Variants in STXBP5L observed in about 807,000 individuals in gnomAD.
The protein encoded by STXBP5L is syntaxin binding protein 5L.
In STXBP5L, 65 loss-of-function variants were observed where a neutral mutation model predicts 144.5. The observed-to-expected ratio is 0.45, with a 90% confidence interval of 0.37 to 0.55. The LOEUF is 0.55. Among genes scored for constraint, STXBP5L ranks in the 20% least tolerant of loss-of-function variants. The probability of loss-of-function intolerance (pLI) is 0.00; values close to 1 mark genes in which losing one functional copy is unlikely to be tolerated. For synonymous variants in STXBP5L, 505 were observed against 469.6 expected (o/e 1.08, Z -0.97); for missense variants, 1,298 against 1,405.5 (o/e 0.92, Z 1.22).
chr3:121,109,297 T>C (rs2043869784), intron 5 of STXBP5L, among the ~76,000 whole-genome samples: 1 of 152,102 alleles, frequency 6.6e-6, no homozygotes, highest in Non-Finnish European at 1.5e-5. Context: ...TGTTTGCTCT[T>C]GGTTCTCTAG....
At chr3:121,086,709 A>G (rs1043422593) in intron 5 of STXBP5L, among the ~76,000 whole-genome samples, 1 of 152,090 alleles carries the variant, frequency 6.6e-6, no homozygotes, top group Non-Finnish European at 1.5e-5. Flanking sequence ...AAATGTTCCA[A>G]TGAGCATTTC....
chr3:121,373,847 A>G (rs1387275150), intron 20 of STXBP5L, among the ~76,000 whole-genome samples: 3 of 151,846 alleles, frequency 2.0e-5, no homozygotes, highest in Non-Finnish European at 4.4e-5. Flanking sequence ...GTCTCTGTGC[A>G]CTCCACTCAG....
chr3:121,265,472 G>T (rs1489902498), intron 18 of STXBP5L, among the ~76,000 whole-genome samples: 1 of 152,226 alleles, frequency 6.6e-6, no homozygotes, highest in Non-Finnish European at 1.5e-5. Context: ...AGCTAAAGCA[G>T]TGTTTAGAGG....
chr3:121,218,616 G>T (rs2048879038), intron 10 of STXBP5L, among the ~76,000 whole-genome samples: 1 of 151,874 alleles, frequency 6.6e-6, no homozygotes, highest in African/African-American at 2.4e-5. Context: ...GGAGAACCAT[G>T]AAGAGAGAAA....
At chr3:121,270,722 A>C (rs576009349) in intron 18 of STXBP5L, among the ~76,000 whole-genome samples, 1 of 152,166 alleles carries the variant, frequency 6.6e-6, no homozygotes, top group Non-Finnish European at 1.5e-5. Flanking sequence ...CAAAGTGCTG[A>C]GATTACAGGC....
At chr3:121,169,714 A>G (rs1228378289) in intron 9 of STXBP5L, among the ~76,000 whole-genome samples, 1 of 152,228 alleles carries the variant, frequency 6.6e-6, no homozygotes, top group African/African-American at 2.4e-5. Context: ...TTAGAGACCT[A>G]CAATAAGACT....
intron 3 of STXBP5L, among the ~76,000 whole-genome samples, chr3:121,000,609 T>C (rs1161365578): frequency 6.6e-6 from 1 of 152,218 alleles, no homozygotes; most frequent in Non-Finnish European, 1.5e-5. Context: ...GAATTCTATG[T>C]CTGTCATTTC....
intron 19 of STXBP5L, among the ~76,000 whole-genome samples, chr3:121,292,395 G>A (rs531551141): frequency 1.3e-5 from 2 of 152,118 alleles, no homozygotes; most frequent in Non-Finnish European, 2.9e-5. Flanking sequence ...AATAATACAT[G>A]TTAGCATGGA....
chr3:121,188,954 G>A (rs1211781282), intron 9 of STXBP5L, among the ~76,000 whole-genome samples: 2 of 152,186 alleles, frequency 1.3e-5, no homozygotes, highest in Admixed American at 6.5e-5. Context: ...GAAAGTTCTG[G>A]CCAGGGCAAT....
At chr3:121,091,200 C>T (rs1261395894) in intron 5 of STXBP5L, among the ~76,000 whole-genome samples, 1 of 146,948 alleles carries the variant, frequency 6.8e-6, no homozygotes, top group Non-Finnish European at 1.5e-5. Context: ...TGGATTGGTT[C>T]CAAGTCCTTG....
chr3:121,044,268 C>T (rs756628664), intron 4 of STXBP5L, among the ~76,000 whole-genome samples: 1 of 151,992 alleles, frequency 6.6e-6, no homozygotes, highest in East Asian at 1.9e-4. Context: ...AAAGCCATTC[C>T]TCTCTGAGAC....
intron 5 of STXBP5L, among the ~76,000 whole-genome samples, chr3:121,065,004 T>A (rs766058686): frequency 4.6e-5 from 7 of 152,230 alleles, no homozygotes; most frequent in Non-Finnish European, 8.8e-5. Flanking sequence ...TATTGTTTTC[T>A]GTTCCTACAT....
At position 121,171,338 on chromosome 3, in the gene STXBP5L, T is replaced by C. The variant is rs149180453; in HGVS notation, c.877+13711T>C. On this transcript the variant is annotated intron_variant, in intron 9 of 26. Coordinates refer to ENST00000471454, the MANE Select transcript of STXBP5L (RefSeq NM_001308330.2). The stretch of plus-strand genomic sequence containing the variant: ...CTCTCACCACTGCTATTCAACATAG[T>C]GTTGGAAGTTCTGGCCAGGGCAATC... Among the ~76,000 whole-genome samples the C allele has an allele frequency of 8.2e-3, 1,254 of 152,252 alleles. 22 individuals are homozygous for C. Among genetic ancestry groups the C allele is most frequent in the African/African-American group, 0.028 (1,173 of 41,536 alleles).
At chr3:120,922,150 C>A (rs1709390388) in intron 2 of STXBP5L, among the ~76,000 whole-genome samples, 2 of 151,670 alleles carry the variant, frequency 1.3e-5, no homozygotes, top group African/African-American at 4.8e-5. Flanking sequence ...CAGTGTTTTA[C>A]CTTGTAGAGA....
intron 20 of STXBP5L, among the ~76,000 whole-genome samples, chr3:121,367,788 TCC>T (rs1395519985): frequency 1.3e-4 from 7 of 53,314 alleles, no homozygotes; most frequent in African/African-American, 4.8e-4. Flanking sequence ...TTTTTGCTTT[TCC>T]TTTTTTTTTT....
chr3:120,921,841 A>G (rs1426907406), intron 2 of STXBP5L, among the ~76,000 whole-genome samples: 1 of 152,048 alleles, frequency 6.6e-6, no homozygotes, highest in Non-Finnish European at 1.5e-5. Context: ...TGTTTATGCC[A>G]GTATCATGCT....
intron 19 of STXBP5L, among the ~76,000 whole-genome samples, chr3:121,283,415 T>C (rs1479581279): frequency 5.3e-5 from 8 of 152,010 alleles, no homozygotes; most frequent in Admixed American, 5.3e-4. Flanking sequence ...CACCCCCTTT[T>C]AGGAATCCTT....
In STXBP5L at chr3:121,142,801, G is replaced by C. The variant is rs560376548; in HGVS notation, c.670-9676G>C. ...AATGCTTACATTAAAAAATAAGAAA[G>C]ACCTGCAAACTTACAACTTTACCTC... On this transcript the variant is annotated intron_variant, in intron 7 of 26. Transcript: ENST00000471454. 5.3e-5 allele frequency among the ~76,000 whole-genome samples: 8 copies of C among 151,728 alleles called. No individual in the cohort carries two copies. The East Asian group carries it at 1.4e-3, about 26-fold the overall frequency.
chr3:121,052,993 A>C (rs981605094), intron 5 of STXBP5L, among the ~76,000 whole-genome samples: 5 of 152,204 alleles, frequency 3.3e-5, no homozygotes, highest in Admixed American at 1.3e-4. Flanking sequence ...ACTCCCATTC[A>C]CAATTGCTTC....
Sources: gnomAD v4.1 joint callset for allele counts (sites outside exome capture counted in the v4.1 genomes callset) on GRCh38, gnomAD v4.1.1 for gene constraint, MANE v1.5 for transcripts, NCBI Gene and HGNC (gene_info 2026-07-23, HGNC 2026-07-21) for gene names.